The following ENO4 variants were observed in gnomAD, a reference collection of about 807,000 sequenced individuals.
ENO4 encodes the protein 2-phospho-D-glycerate hydro-lyase.
In ENO4, 53 loss-of-function variants were observed where a neutral mutation model predicts 63.2. That is an observed-to-expected ratio of 0.84 (90% CI 0.67 to 1.05). ENO4 has a LOEUF of 1.05. Ranked by LOEUF, ENO4 falls within the 50% of genes least tolerant of loss-of-function variation. ENO4 has a pLI of 0.00. For synonymous variants in ENO4, 266 were observed against 283.8 expected, an observed-to-expected ratio of 0.94 and a Z score of 0.63; for missense variants, 719 against 772.0, an observed-to-expected ratio of 0.93 and a Z score of 0.81.
chr10:116,893,576 G>GCGCGCACACACACACACACACACACACA (rs1554905664), intron 10 of ENO4, among the ~76,000 whole-genome samples: 3 of 123,594 alleles, frequency 2.4e-5, no homozygotes, highest in East Asian at 4.8e-4. Flanking sequence ...GCACTCATGT[G>GCGCGCACACACACACACACACACACACA]CACACACACA....
At chr10:116,881,192 T>C (rs1846998082) in intron 13 of ENO4, among the ~76,000 whole-genome samples, 1 of 152,202 alleles carries the variant, frequency 6.6e-6, no homozygotes, top group South Asian at 2.1e-4. Flanking sequence ...CAGTGGCTTG[T>C]ATCATGCCTA....
rs1228844561 is a variant in ENO4 at position 116,879,923 on chromosome 10, C to T, written c.1660C>T (p.Arg554Ter). 4 of 1,550,552 alleles carry T rather than the reference C, an allele frequency of 2.6e-6. No homozygotes were observed. In the South Asian group the frequency reaches 3.6e-5, roughly 14 times the overall value. ...IKLGGLSRGERVTKYNRLLTI... is the reference protein window; with the variant it reads ...IKLGGLSRGE ...GTTGGGGGGTCTTTCCCGTGGTGAACGAGTGACTAAATACAACCGCCTTCT... is the reference window on the plus strand; with the variant it reads ...GTTGGGGGGTCTTTCCCGTGGTGAATGAGTGACTAAATACAACCGCCTTCT... The change falls in exon 13 of 14, where the codon CGA (arginine) becomes TGA (stop). Residue 554 changes from arginine (R) to a stop codon, truncating the protein, a stop_gained. Coordinates refer to ENST00000341276, the MANE Select transcript of ENO4 (RefSeq NM_001242699.2). LOFTEE classifies it high-confidence loss of function.
intron 7 of ENO4, among the ~76,000 whole-genome samples, chr10:116,867,556 T>C (rs1846580055): frequency 6.6e-6 from 1 of 152,056 alleles, no homozygotes; most frequent in Non-Finnish European, 1.5e-5. Context: ...GCCACTGTAC[T>C]CCGGCCTGTG....
At chr10:116,908,548 T>G (rs974951780) in intron 10 of ENO4, among the ~76,000 whole-genome samples, 1 of 152,222 alleles carries the variant, frequency 6.6e-6, no homozygotes. Flanking sequence ...CTATCATTTG[T>G]AAACAGATAT....
chr10:116,849,746 C>G lies in ENO4; in HGVS notation c.165+15C>G, dbSNP rs544617643. On this transcript the variant is annotated intron_variant, in intron 1 of 13. Coordinates refer to ENST00000341276, the MANE Select transcript of ENO4 (RefSeq NM_001242699.2). ...ACGGGCACCTGGTAGGGACCTGGGA[C>G]AAGCGCTCTCCTCCCGCCAACCCCT... 2.9e-5 allele frequency: 43 copies of G among 1,497,358 alleles called. No individual in the cohort carries two copies. In the African/African-American group the frequency reaches 4.2e-4, roughly 15 times the overall value. 92.8% of individuals were successfully genotyped at this position (1,497,358 alleles called of 1,614,324 possible).
In ENO4 at chr10:116,876,099, T is replaced by C; in HGVS notation, c.1376T>C (p.Leu459Pro). 1.3e-6 allele frequency: 2 copies of C among 1,550,044 alleles called. No individual in the cohort carries two copies. The highest frequency in any genetic ancestry group is 1.7e-6 in the Non-Finnish European group (2 of 1,146,770). Reference protein sequence around the residue: ...SEQWDSIYHALGSRCYIIAGT... With the variant: ...SEQWDSIYHAPGSRCYIIAGT... ...CAGTGGGACAGCATCTATCACGCAC[T>C]TGGTTCCAGGTGTTACATAATTGCA... is the stretch of plus-strand genomic sequence containing the variant. Residue 459 changes from leucine (L) to proline (P), a missense_variant, in exon 11 of 14, where the codon CTT becomes CCT. Around this residue, in one of 3 missense-constraint regions of ENO4, gnomAD observed 544 missense variants for 583.6 expected, o/e 0.93. Coordinates refer to ENST00000341276, the MANE Select transcript of ENO4 (RefSeq NM_001242699.2).
At chr10:116,876,326 A>T in intron 11 of ENO4, 66 bp downstream of exon 11, 1 of 1,198,536 alleles carries the variant, frequency 8.3e-7, no homozygotes, top group Non-Finnish European at 1.1e-6. Flanking sequence ...AAAAATACAC[A>T]GCATATCAAA....
downstream of ENO4, chr10:116,886,430 G>A (rs775337559): frequency 6.2e-7 from 1 of 1,609,258 alleles, no homozygotes. Flanking sequence ...TCCTCCTTGT[G>A]TTGAGTTGGA....
Position 116,881,885 on chromosome 10 carries a change from G to T in ENO4, c.*216G>T, listed in dbSNP as rs11197843. On this transcript the variant is annotated 3_prime_UTR_variant, in exon 14 of 14. Coordinates refer to ENST00000341276, the MANE Select transcript of ENO4 (RefSeq NM_001242699.2). ...TTTGCAGCCACCACACTTCCATGTG[G>T]ATTTTGTTTGTCTATTAGCTCTCCT... 64,269 of 398,238 alleles carry T rather than the reference G, an allele frequency of 0.16. 5,718 individuals are homozygous for T. Among genetic ancestry groups the T allele is most frequent in the Admixed American group, 0.21 (4,741 of 22,350 alleles). The allele number at this position is 398,238 out of a possible 1,614,324, so 24.7% of individuals were successfully genotyped here.
chr10:116,885,193 A>G (rs1847128251), downstream of ENO4: 1 of 152,644 alleles, frequency 6.6e-6, no homozygotes, highest in African/African-American at 2.4e-5. Context: ...AACACCTGAC[A>G]GCTACATGCT....
intron 10 of ENO4, chr10:116,901,875 C>T: frequency 1.9e-6 from 3 of 1,608,030 alleles, no homozygotes; most frequent in Non-Finnish European, 1.7e-6. Context: ...TTTTCTTGTT[C>T]AAGGCTGTTT....
intron 11 of ENO4, among the ~76,000 whole-genome samples, chr10:116,877,821 T>C (rs1170486525): frequency 2.0e-5 from 3 of 152,176 alleles, no homozygotes; most frequent in Middle Eastern, 3.2e-3. Flanking sequence ...CCCTGTGAAG[T>C]AGACACTATC....
intron 3 of ENO4, among the ~76,000 whole-genome samples, chr10:116,857,632 G>T (rs909122335): frequency 2.1e-5 from 3 of 139,768 alleles, no homozygotes; most frequent in Non-Finnish European, 3.1e-5. Context: ...AATGACCTTT[G>T]TAACAGAAAC....
intron 10 of ENO4, among the ~76,000 whole-genome samples, chr10:116,888,607 G>A (rs913275066): frequency 1.3e-5 from 2 of 152,148 alleles, no homozygotes; most frequent in African/African-American, 4.8e-5. Context: ...GAATAAGCAG[G>A]AGCCTTCCCC....
At chr10:116,849,969 A>G in intron 1 of ENO4, 1 of 679,998 alleles carries the variant, frequency 1.5e-6, no homozygotes, top group Non-Finnish European at 2.7e-6. Context: ...AGAGGGCGCT[A>G]GGCGTATTTG....
At chr10:116,899,505 T>TGG (rs1035576265) in intron 10 of ENO4, among the ~76,000 whole-genome samples, 104 of 101,956 alleles carry the variant, frequency 1.0e-3, no homozygotes, top group African/African-American at 4.7e-3. Context: ...TGGCTGGGGC[T>TGG]GGTGTGTGTG....
Position 116,896,792 on chromosome 10 carries a change from G to T in ENO4, c.1195-14707G>T, listed in dbSNP as rs201259094. 3.5e-4 allele frequency among the ~76,000 whole-genome samples: 52 copies of T among 148,718 alleles called. No homozygotes were observed. The East Asian group carries it at 7.8e-3, about 22-fold the overall frequency. ...AGACTGCCCAATTTATTTTCTCTGT[G>T]ATCAGGTACTTTTTTTTTTTTTTTT... On this transcript the variant is annotated intron_variant, in intron 10 of 10. Coordinates refer to the ENO4 transcript ENST00000369207.
intron 10 of ENO4, among the ~76,000 whole-genome samples, chr10:116,889,424 G>A (rs1455161386): frequency 6.6e-6 from 1 of 152,164 alleles, no homozygotes; most frequent in Non-Finnish European, 1.5e-5. Flanking sequence ...TGTTATCACT[G>A]AACTAGGCGC....
intron 10 of ENO4, among the ~76,000 whole-genome samples, chr10:116,903,335 C>T (rs188896066): frequency 6.6e-6 from 1 of 152,116 alleles, no homozygotes; most frequent in African/African-American, 2.4e-5. Context: ...GAGTTAGAGA[C>T]CAACCTGGCC....
Sources: allele counts gnomAD v4.1 joint callset (sites outside exome capture counted in the v4.1 genomes callset), GRCh38; gene constraint gnomAD v4.1.1; regional missense constraint gnomAD v4.1.1; transcripts MANE v1.5; gene names NCBI Gene and HGNC (gene_info 2026-07-23, HGNC 2026-07-21).